Variants in SPIN1 observed in about 807,000 individuals in gnomAD.
SPIN1 encodes spindlin-1.
In SPIN1, 3 loss-of-function variants were observed where a neutral mutation model predicts 26.0. The observed-to-expected ratio is 0.12, with a 90% CI of 0.05 to 0.30. The LOEUF is 0.30. SPIN1 is among the 10% of genes least tolerant of loss of function. The pLI, the probability that SPIN1 is intolerant of heterozygous loss-of-function variation, is 1.00. For missense variants in SPIN1, 126 were observed against 333.4 expected, an observed-to-expected ratio of 0.38 and a Z score of 4.84; for synonymous variants, 101 against 116.5, an observed-to-expected ratio of 0.87 and a Z score of 0.86.
At chr9:88,396,754 CAT>C (rs1478632319) in intron 1 of SPIN1, among the ~76,000 whole-genome samples, 1 of 152,080 alleles carries the variant, frequency 6.6e-6, no homozygotes, top group African/African-American at 2.4e-5. Context: ...TTGTGTACCT[CAT>C]AGAGTATACT....
intron 5 of SPIN1, among the ~76,000 whole-genome samples, chr9:88,472,393 C>T (rs1193771232): frequency 6.6e-6 from 1 of 152,030 alleles, no homozygotes; most frequent in Non-Finnish European, 1.5e-5. Flanking sequence ...TGCCACCTCG[C>T]CTAGCTCATT....
At chr9:88,472,409 A>G (rs767210845) in intron 5 of SPIN1, among the ~76,000 whole-genome samples, 2 of 148,874 alleles carry the variant, frequency 1.3e-5, no homozygotes, top group African/African-American at 5.0e-5. Flanking sequence ...TCATTTTTGT[A>G]TTTTAGTAGA....
chr9:88,465,504 C>T (rs1050233964), intron 4 of SPIN1, among the ~76,000 whole-genome samples: 5 of 152,054 alleles, frequency 3.3e-5, no homozygotes, highest in Admixed American at 6.6e-5. Flanking sequence ...GGGTGTGATA[C>T]GATACCTCAT....
At chr9:88,390,238 C>G (rs1227082512) in intron 1 of SPIN1, among the ~76,000 whole-genome samples, 1 of 152,116 alleles carries the variant, frequency 6.6e-6, no homozygotes, top group African/African-American at 2.4e-5. Flanking sequence ...ACAGCCATTG[C>G]GATGCCATAT....
At chr9:88,399,685 G>C (rs1827145641) in intron 1 of SPIN1, among the ~76,000 whole-genome samples, 1 of 152,122 alleles carries the variant, frequency 6.6e-6, no homozygotes, top group South Asian at 2.1e-4. Flanking sequence ...CTGCAGGGTG[G>C]TTGCTTTATC....
chr9:88,409,837 CAA>C (rs879517349), intron 1 of SPIN1, among the ~76,000 whole-genome samples: 13 of 111,116 alleles, frequency 1.2e-4, no homozygotes, highest in Admixed American at 1.9e-4. Context: ...GACTCCGTCT[CAA>C]AAAAAAAAAA....
At chr9:88,394,991 G>A (rs781746648) in intron 1 of SPIN1, among the ~76,000 whole-genome samples, 6 of 151,668 alleles carry the variant, frequency 4.0e-5, no homozygotes, top group Non-Finnish European at 5.9e-5. Flanking sequence ...TGTATTTTTA[G>A]TAGAGACGGG....
chr9:88,459,651 A>G (rs903710776), intron 3 of SPIN1, among the ~76,000 whole-genome samples: 1 of 152,214 alleles, frequency 6.6e-6, no homozygotes, highest in Non-Finnish European at 1.5e-5. Context: ...GATAACGGTT[A>G]CACACTATTG....
At chr9:88,463,203 G>A (rs1304812191) in intron 4 of SPIN1, among the ~76,000 whole-genome samples, 1 of 152,118 alleles carries the variant, frequency 6.6e-6, no homozygotes, top group Non-Finnish European at 1.5e-5. Context: ...CCAAAACGTG[G>A]TCTTTATTAT....
At chr9:88,428,998 C>T (rs371203993) in intron 2 of SPIN1, among the ~76,000 whole-genome samples, 3 of 152,064 alleles carry the variant, frequency 2.0e-5, no homozygotes, top group South Asian at 2.1e-4. Flanking sequence ...ATCAGCCTCC[C>T]GACTAGCTGG....
intron 1 of SPIN1, among the ~76,000 whole-genome samples, chr9:88,414,120 C>T (rs948048172): frequency 1.6e-4 from 24 of 152,064 alleles, no homozygotes; most frequent in African/African-American, 5.8e-4. Flanking sequence ...GTGTTCATGC[C>T]CTCCTGTGGA....
chr9:88,444,940 C>T (rs1268450599), intron 2 of SPIN1, among the ~76,000 whole-genome samples: 6 of 152,058 alleles, frequency 3.9e-5, no homozygotes, highest in Non-Finnish European at 7.4e-5. Context: ...GTGATCCGCC[C>T]GCCTCGGCCT....
intron 2 of SPIN1, among the ~76,000 whole-genome samples, chr9:88,431,031 C>T (rs1827858090): frequency 6.6e-6 from 1 of 151,942 alleles, no homozygotes. Flanking sequence ...TACAGGCATG[C>T]ACCACCACAC....
At chr9:88,465,377 T>C (rs1828646107) in intron 4 of SPIN1, among the ~76,000 whole-genome samples, 1 of 152,206 alleles carries the variant, frequency 6.6e-6, no homozygotes, top group Admixed American at 6.5e-5. Context: ...TACCATACTG[T>C]TTTCCACAGC....
At chr9:88,394,495 A>G (rs1228812809) in intron 1 of SPIN1, among the ~76,000 whole-genome samples, 1 of 152,202 alleles carries the variant, frequency 6.6e-6, no homozygotes, top group Non-Finnish European at 1.5e-5. Flanking sequence ...ATTTAACATC[A>G]CAGAGTTTTT....
At chr9:88,419,699 T>C (rs969812561) in intron 1 of SPIN1, among the ~76,000 whole-genome samples, 1 of 152,218 alleles carries the variant, frequency 6.6e-6, no homozygotes, top group Non-Finnish European at 1.5e-5. Flanking sequence ...TGAACACTAA[T>C]ATTCTCTTCA....
At chr9:88,404,648 G>A (rs1218653960) in intron 1 of SPIN1, among the ~76,000 whole-genome samples, 1 of 152,006 alleles carries the variant, frequency 6.6e-6, no homozygotes, top group Admixed American at 6.6e-5. Context: ...AGGCGCAGTG[G>A]TTCATGCCTG....
intron 1 of SPIN1, among the ~76,000 whole-genome samples, chr9:88,393,249 A>G (rs577365173): frequency 7.3e-4 from 110 of 150,882 alleles, no homozygotes; most frequent in South Asian, 3.5e-3. Context: ...TCTTTTTACC[A>G]TTTGAGATGT....
At chr9:88,434,713 CATT>C (rs1827964477) in intron 2 of SPIN1, among the ~76,000 whole-genome samples, 1 of 151,992 alleles carries the variant, frequency 6.6e-6, no homozygotes, top group Non-Finnish European at 1.5e-5. Flanking sequence ...ATTTGGTATC[CATT>C]ATTACTGGAC....
Sources: allele counts gnomAD v4.1 joint callset (sites outside exome capture counted in the v4.1 genomes callset), GRCh38; gene constraint gnomAD v4.1.1; transcripts MANE v1.5; gene names NCBI Gene and HGNC (gene_info 2026-07-23, HGNC 2026-07-21).